C11orf97: variants seen among roughly 807,000 people sequenced by gnomAD.
The protein encoded by C11orf97 is uncharacterized protein C11orf97.
Under a neutral mutation model 16.2 loss-of-function variants are expected in C11orf97, and 15 were observed. That is an observed-to-expected ratio of 0.93 (90% CI 0.62 to 1.43). The LOEUF (loss-of-function observed/expected upper bound fraction) is 1.43, where lower values mean the gene tolerates loss of function less well. C11orf97 is among the 40% of genes most tolerant of loss of function. The probability of loss-of-function intolerance (pLI) is 0.00; values close to 1 mark genes in which losing one functional copy is unlikely to be tolerated. For missense variants in C11orf97, 171 were observed against 161.2 expected, an observed-to-expected ratio of 1.06 and a Z score of -0.33; for synonymous variants, 61 against 65.7, an observed-to-expected ratio of 0.93 and a Z score of 0.34.
intron 2 of C11orf97, among the ~76,000 whole-genome samples, chr11:94,519,065 C>A (rs1376489686): frequency 6.6e-6 from 1 of 151,998 alleles, no homozygotes; most frequent in Non-Finnish European, 1.5e-5. Context: ...CACACCACCA[C>A]GGCCCAGCTA....
In C11orf97 at chr11:94,528,088, C is replaced by T. The variant is rs767310868; in HGVS notation, c.255C>T (p.Ala85=). The T allele has an allele frequency of 7.2e-6, 11 of 1,528,606 alleles. No individual in the cohort carries two copies. The highest frequency in any genetic ancestry group is 9.6e-6 in the Non-Finnish European group (11 of 1,144,022). The allele number at this position is 1,528,606 out of a possible 1,614,324, so 94.7% of individuals were successfully genotyped here. ...ECHIKNPAAV[A]LEGIWSIKRN... ...TGCCTTAAAAAATATTGACAGTGGC[C>T]CTGGAAGGGATTTGGAGCATTAAAA... The change falls in exon 3 of 4, where the codon GCC becomes GCT. Residue 85 remains alanine (A), a synonymous_variant. Coordinates refer to ENST00000542198, the MANE Select transcript of C11orf97 (RefSeq NM_001190462.2).
At chr11:94,527,653 TCTATTGGATGAATTAA>T (rs1388198042) in intron 2 of C11orf97, among the ~76,000 whole-genome samples, 2 of 152,222 alleles carry the variant, frequency 1.3e-5, no homozygotes, top group Non-Finnish European at 2.9e-5. Context: ...GATTCTTGGA[TCTATTGGATGAATTAA>T]CTATTGGATG....
At chr11:94,524,099 A>T (rs1267421755) in intron 2 of C11orf97, among the ~76,000 whole-genome samples, 2 of 152,060 alleles carry the variant, frequency 1.3e-5, no homozygotes, top group Non-Finnish European at 2.9e-5. Flanking sequence ...GTTGGGAATT[A>T]TGGTGATAAT....
At chr11:94,525,302 G>A (rs587667) in intron 2 of C11orf97, among the ~76,000 whole-genome samples, 48,632 of 151,886 alleles carry the variant, frequency 0.32, 7,902 homozygotes, top group Non-Finnish European at 0.34. Context: ...TTTGATTACT[G>A]AACTTATTAA....
chr11:94,531,125 G>C (rs1020628053), intron 3 of C11orf97, among the ~76,000 whole-genome samples: 1 of 152,110 alleles, frequency 6.6e-6, no homozygotes, highest in African/African-American at 2.4e-5. Context: ...TTCCATTAGA[G>C]ACTGTGAAGC....
At chr11:94,526,201 A>G (rs930316459) in intron 2 of C11orf97, among the ~76,000 whole-genome samples, 2 of 152,220 alleles carry the variant, frequency 1.3e-5, no homozygotes, top group Non-Finnish European at 2.9e-5. Flanking sequence ...CAGCTGCCTC[A>G]GAGAGCACCC....
chr11:94,528,894 A>G (rs1947718640), intron 3 of C11orf97, among the ~76,000 whole-genome samples: 1 of 152,174 alleles, frequency 6.6e-6, no homozygotes, highest in Non-Finnish European at 1.5e-5. Context: ...GTAAAAAGGG[A>G]GAAGTAGATA....
chr11:94,517,530 G>C, intron 1 of C11orf97, 53 bp from the exon 2 acceptor site: 1 of 1,069,692 alleles, frequency 9.3e-7, no homozygotes, highest in East Asian at 2.7e-5. Context: ...ATAATGGCTA[G>C]AAGATTGGGC....
At chr11:94,527,042 T>C (rs1947706301) in intron 2 of C11orf97, among the ~76,000 whole-genome samples, 1 of 152,228 alleles carries the variant, frequency 6.6e-6, no homozygotes, top group Non-Finnish European at 1.5e-5. Context: ...CTCATCTAAA[T>C]CGTACAATAA....
rs1053060420 is a variant in C11orf97, at chr11:94,512,573, C to T, written c.45C>T (p.Pro15=). The T allele has an allele frequency of 2.1e-5, 28 of 1,303,268 alleles. No homozygotes were observed. The African/African-American group carries it at 4.0e-4, about 19-fold the overall frequency. The allele number at this position is 1,303,268 out of a possible 1,614,324, so 80.7% of individuals were successfully genotyped here. A position where few individuals can be genotyped will look rare whatever the true frequency, so the allele number is the denominator to read the frequency against. ...EAVVVTAVVA[P]KAGREEEQPP... is the part of the protein sequence containing the mutation. ...TGGTGGTGACCGCAGTGGTGGCGCC[C>T]AAGGCGGGTCGCGAAGAGGAGCAGC... Residue 15 remains proline (P), a synonymous_variant, in exon 1 of 4, where the codon CCC becomes CCT. Coordinates refer to ENST00000542198, the MANE Select transcript of C11orf97 (RefSeq NM_001190462.2).
chr11:94,517,663 T>C lies in C11orf97; in HGVS notation c.226T>C (p.Cys76Arg), dbSNP rs1947622243. The C allele has an allele frequency of 6.5e-7, 1 of 1,528,710 alleles. No individual in the cohort carries two copies. The allele number at this position is 1,528,710 out of a possible 1,614,324, so 94.7% of individuals were successfully genotyped here. A position where few individuals can be genotyped will look rare whatever the true frequency, so the allele number is the denominator to read the frequency against. The part of the protein sequence containing the change: ...EEERHIKRDE[C>R]HIKNPAAVAL... ...AGAACGTCATATTAAGAGAGATGAA[T>C]GCCACATTAAAAATCCAGCTGCAGG... is the stretch of plus-strand genomic sequence containing the variant. The change falls in exon 2 of 4, where the codon TGC becomes CGC. Residue 76 changes from cysteine (C) to arginine (R), a missense_variant. By Grantham distance (180) the Cys-to-Arg change is radical. Transcript: ENST00000542198.
At chr11:94,529,586 A>T (rs56365771) in intron 3 of C11orf97, among the ~76,000 whole-genome samples, 27,733 of 152,104 alleles carry the variant, frequency 0.18, 2,845 homozygotes, top group East Asian at 0.28. Context: ...GCATAGAGAC[A>T]CTTTACTACC....
chr11:94,516,241 A>G (rs929855956), intron 1 of C11orf97, among the ~76,000 whole-genome samples: 1 of 152,074 alleles, frequency 6.6e-6, no homozygotes, highest in Admixed American at 6.5e-5. Context: ...TGTGTTGTTT[A>G]TTGATTAGTC....
intron 2 of C11orf97, among the ~76,000 whole-genome samples, chr11:94,521,892 T>C (rs1489345930): frequency 6.6e-6 from 1 of 152,222 alleles, no homozygotes; most frequent in African/African-American, 2.4e-5. Context: ...GTTCTGCCTC[T>C]AGGTGGCTTG....
At chr11:94,514,306 T>C (rs1408743310) in intron 1 of C11orf97, among the ~76,000 whole-genome samples, 3 of 152,184 alleles carry the variant, frequency 2.0e-5, no homozygotes, top group Admixed American at 2.0e-4. Flanking sequence ...GTCCAAACTT[T>C]CACAAGCTCA....
At chr11:94,526,906 C>G (rs1403825763) in intron 2 of C11orf97, among the ~76,000 whole-genome samples, 1 of 152,194 alleles carries the variant, frequency 6.6e-6, no homozygotes, top group Non-Finnish European at 1.5e-5. Flanking sequence ...TGACATTCAG[C>G]TTGGCAAGTC....
chr11:94,512,730 A>G, intron 1 of C11orf97, 57 bp downstream of exon 1: 1 of 1,233,270 alleles, frequency 8.1e-7, no homozygotes, highest in Non-Finnish European at 1.0e-6. Context: ...AGAACGAGTG[A>G]CAGGGCAATT....
At chr11:94,526,872 G>T (rs1335751396) in intron 2 of C11orf97, among the ~76,000 whole-genome samples, 1 of 152,164 alleles carries the variant, frequency 6.6e-6, no homozygotes, top group Non-Finnish European at 1.5e-5. Context: ...CTCCACTCAG[G>T]AGTGGGAAAG....
chr11:94,513,618 C>A (rs1947585782), intron 1 of C11orf97, among the ~76,000 whole-genome samples: 1 of 152,160 alleles, frequency 6.6e-6, no homozygotes, highest in Non-Finnish European at 1.5e-5. Context: ...ACACTCTCCT[C>A]CCCAGAGACC....
Sources: gnomAD v4.1 joint callset for allele counts (sites outside exome capture counted in the v4.1 genomes callset) on GRCh38, gnomAD v4.1.1 for gene constraint, MANE v1.5 for transcripts, NCBI Gene and HGNC (gene_info 2026-07-23, HGNC 2026-07-21) for gene names.